Variants in FNDC3A observed in about 807,000 individuals in gnomAD.
FNDC3A encodes fibronectin type-III domain-containing protein 3A.
Under a neutral mutation model 148.9 loss-of-function variants are expected in FNDC3A, and 32 were observed. The observed-to-expected ratio is 0.21, with a 90% CI of 0.16 to 0.29. The LOEUF is 0.29. Among genes scored for constraint, FNDC3A ranks in the 10% least tolerant of loss-of-function variants. The pLI is 1.00. For missense variants in FNDC3A, 1,191 were observed against 1,452.8 expected (o/e 0.82, Z 2.93); for synonymous variants, 472 against 473.6 (o/e 1.00, Z 0.04).
intron 2 of FNDC3A, among the ~76,000 whole-genome samples, chr13:49,034,425 T>G (rs1566204661): frequency 6.6e-6 from 1 of 152,040 alleles, no homozygotes; most frequent in Non-Finnish European, 1.5e-5. Context: ...GGGTAATTTG[T>G]TGCAGAGTTA....
intron 4 of FNDC3A, among the ~76,000 whole-genome samples, chr13:49,130,709 A>C (rs1276419282): frequency 1.3e-5 from 2 of 152,164 alleles, no homozygotes; most frequent in Non-Finnish European, 2.9e-5. Flanking sequence ...AGTTGTTTTC[A>C]TGTTGATTCT....
At chr13:48,989,214 C>T (rs1566176200) in intron 1 of FNDC3A, among the ~76,000 whole-genome samples, 1 of 152,152 alleles carries the variant, frequency 6.6e-6, no homozygotes, top group South Asian at 2.1e-4. Context: ...TGTCCGAGTC[C>T]CTTAGCCACA....
chr13:49,013,570 A>G (rs568847885), intron 2 of FNDC3A, among the ~76,000 whole-genome samples: 2 of 151,636 alleles, frequency 1.3e-5, no homozygotes, highest in Non-Finnish European at 2.9e-5. Context: ...ACACGTGTAT[A>G]CATGTACATG....
chr13:49,195,998 C>T (rs1234915897), intron 19 of FNDC3A, among the ~76,000 whole-genome samples: 2 of 146,314 alleles, frequency 1.4e-5, no homozygotes, highest in East Asian at 4.1e-4. Context: ...GGCTTGAGCC[C>T]AGGAAGTCGA....
intron 2 of FNDC3A, among the ~76,000 whole-genome samples, chr13:49,043,379 A>T (rs771960939): frequency 6.6e-6 from 1 of 152,162 alleles, no homozygotes; most frequent in African/African-American, 2.4e-5. Flanking sequence ...GTGCTGTTCT[A>T]TGTGGCCCAT....
At chr13:49,042,636 G>T (rs1284637099) in intron 2 of FNDC3A, among the ~76,000 whole-genome samples, 2 of 152,058 alleles carry the variant, frequency 1.3e-5, no homozygotes, top group Non-Finnish European at 2.9e-5. Flanking sequence ...ATGAGGTATG[G>T]TGCTGCATGC....
chr13:49,133,413 C>T (rs1324289533), intron 5 of FNDC3A, among the ~76,000 whole-genome samples: 1 of 152,182 alleles, frequency 6.6e-6, no homozygotes, highest in African/African-American at 2.4e-5. Flanking sequence ...CATTAGAATA[C>T]ATGGATGTGA....
At chr13:48,992,596 T>G (rs984662714) in intron 1 of FNDC3A, among the ~76,000 whole-genome samples, 10 of 152,194 alleles carry the variant, frequency 6.6e-5, no homozygotes, top group Non-Finnish European at 2.9e-5. Context: ...TAGGAAAATT[T>G]GAGAGATGAC....
chr13:49,105,846 G>C (rs781146713), intron 3 of FNDC3A, among the ~76,000 whole-genome samples: 1 of 152,034 alleles, frequency 6.6e-6, no homozygotes, highest in Non-Finnish European at 1.5e-5. Flanking sequence ...CAAAATGGTT[G>C]TACCATATAC....
intron 2 of FNDC3A, among the ~76,000 whole-genome samples, chr13:49,014,910 G>A (rs1412524101): frequency 1.8e-4 from 27 of 149,448 alleles, no homozygotes; most frequent in Admixed American, 6.0e-4. Context: ...GATAGTTGTA[G>A]ATATGTGGCG....
At chr13:49,147,200 T>C (rs563232092) in intron 8 of FNDC3A, among the ~76,000 whole-genome samples, 30 of 152,338 alleles carry the variant, frequency 2.0e-4, no homozygotes, top group African/African-American at 6.3e-4. Flanking sequence ...TTTCTTACTA[T>C]GTTAATGACT....
intron 3 of FNDC3A, among the ~76,000 whole-genome samples, chr13:49,082,465 A>G (rs1324507922): frequency 6.6e-6 from 1 of 152,166 alleles, no homozygotes; most frequent in Non-Finnish European, 1.5e-5. Flanking sequence ...AAATCTAGGT[A>G]CTGTATAGTG....
chr13:49,073,790 TTATA>T (rs567675321), intron 2 of FNDC3A, among the ~76,000 whole-genome samples: 1 of 146,482 alleles, frequency 6.8e-6, no homozygotes, highest in Admixed American at 6.9e-5. Flanking sequence ...TGTGTATATA[TTATA>T]TATATGTATA....
At chr13:49,172,419 A>G (rs1884803564) in intron 11 of FNDC3A, among the ~76,000 whole-genome samples, 1 of 152,186 alleles carries the variant, frequency 6.6e-6, no homozygotes, top group African/African-American at 2.4e-5. Flanking sequence ...ACATTAAAAC[A>G]GCACATTATT....
At chr13:49,136,235 GT>G in intron 5 of FNDC3A, 96 bp from the exon 6 acceptor site, 1 of 1,061,836 alleles carries the variant, frequency 9.4e-7, no homozygotes, top group South Asian at 1.9e-5. Context: ...TTTTATAAAA[GT>G]TTTATATGAT....
intron 12 of FNDC3A, among the ~76,000 whole-genome samples, chr13:49,174,908 G>A (rs1884948689): frequency 6.6e-6 from 1 of 152,146 alleles, no homozygotes; most frequent in South Asian, 2.1e-4. Context: ...TAAATAGAAA[G>A]GCCAAGTATC....
At chr13:49,146,651 C>T (rs1038333201) in intron 8 of FNDC3A, 13 of 152,174 alleles carry the variant, frequency 8.5e-5, no homozygotes, top group African/African-American at 2.4e-4. Flanking sequence ...GCAGGAGAAT[C>T]GCTTGAACCT....
chr13:48,983,522 G>T (rs1331696481), intron 1 of FNDC3A, among the ~76,000 whole-genome samples: 2 of 152,122 alleles, frequency 1.3e-5, no homozygotes, highest in African/African-American at 4.8e-5. Flanking sequence ...TAAACAATGG[G>T]CATGACTGTG....
intron 8 of FNDC3A, 80 bp from the exon 9 acceptor site, chr13:49,167,164 C>CTA (rs1248709417): frequency 4.0e-6 from 3 of 753,168 alleles, no homozygotes; most frequent in Admixed American, 5.1e-5. Flanking sequence ...ATAAAATACT[C>CTA]TAAACTATAG....
Sources: allele counts gnomAD v4.1 joint callset (sites outside exome capture counted in the v4.1 genomes callset), GRCh38; gene constraint gnomAD v4.1.1; transcripts MANE v1.5; gene names NCBI Gene and HGNC (gene_info 2026-07-23, HGNC 2026-07-21).